The following TEX9 variants were observed in gnomAD, a reference collection of about 807,000 sequenced individuals.
TEX9 encodes the protein testis expressed 9.
Under a neutral mutation model 59.6 loss-of-function variants are expected in TEX9, and 74 were observed. That is an observed-to-expected ratio of 1.24 (90% CI 1.03 to 1.51). The LOEUF (loss-of-function observed/expected upper bound fraction) is 1.51, where lower values mean the gene tolerates loss of function less well. TEX9 is among the 40% of genes most tolerant of loss of function. The pLI, the probability that TEX9 is intolerant of heterozygous loss-of-function variation, is 0.00. For synonymous variants in TEX9, 186 were observed against 152.2 expected (o/e 1.22, Z -1.64); for missense variants, 522 against 447.8 (o/e 1.17, Z -1.49).
chr15:56,448,423 G>A (rs1253379646), downstream of TEX9, among the ~76,000 whole-genome samples: 1 of 152,078 alleles, frequency 6.6e-6, no homozygotes, highest in East Asian at 1.9e-4. Flanking sequence ...AGTGTCTGTT[G>A]TTCCCATATA....
chr15:56,373,360 C>G (rs1449344752), intron 2 of TEX9, 81 bp from the exon 3 acceptor site: 21 of 1,339,942 alleles, frequency 1.6e-5, no homozygotes, highest in Non-Finnish European at 2.1e-5. Flanking sequence ...GATTACGTCA[C>G]TTGATAACGT....
intron 1 of TEX9, among the ~76,000 whole-genome samples, chr15:56,335,650 T>C (rs2141801184): frequency 6.6e-6 from 1 of 152,138 alleles, no homozygotes; most frequent in East Asian, 1.9e-4. Context: ...TAGAAGAATA[T>C]AGTTGGATTT....
chr15:56,246,772 A>G (rs2043867747), intron 1 of TEX9, among the ~76,000 whole-genome samples: 1 of 152,198 alleles, frequency 6.6e-6, no homozygotes, highest in Admixed American at 6.5e-5. Context: ...GGGAAAGTGT[A>G]CACCAGAGGA....
chr15:56,453,622 AAAT>A, the TEX9 span, among the ~76,000 whole-genome samples: 1 of 152,214 alleles, frequency 6.6e-6, no homozygotes, highest in Non-Finnish European at 1.5e-5. Context: ...ACTGTGTAAT[AAAT>A]ACATTTAGTT....
At chr15:56,455,176 G>A in the TEX9 span, among the ~76,000 whole-genome samples, 1 of 140,658 alleles carries the variant, frequency 7.1e-6, no homozygotes, top group Admixed American at 7.6e-5. Flanking sequence ...GCAATTGCTA[G>A]AAGTGAAAAT....
chr15:56,303,431 T>G (rs2045407306), intron 1 of TEX9, among the ~76,000 whole-genome samples: 1 of 152,106 alleles, frequency 6.6e-6, no homozygotes, highest in South Asian at 2.1e-4. Context: ...GGAAATTATA[T>G]GATATGCTCC....
At chr15:56,266,286 C>T (rs747696273) in intron 1 of TEX9, among the ~76,000 whole-genome samples, 18 of 151,344 alleles carry the variant, frequency 1.2e-4, no homozygotes, top group African/African-American at 4.1e-4. Context: ...ACCACCATGC[C>T]TGGCTAATTT....
At chr15:56,418,016 T>G (rs557289420) in intron 10 of TEX9, among the ~76,000 whole-genome samples, 3 of 152,052 alleles carry the variant, frequency 2.0e-5, no homozygotes, top group East Asian at 1.9e-4. Context: ...TTTTTTCTGT[T>G]TTCTATTTCC....
In TEX9 at chr15:56,444,663, G is replaced by A. The variant is rs1276014368; in HGVS notation, c.*30-1008G>A. ...TTCCATCATGGTTTTGGCTATTTCA[G>A]CATCACGTTTCTGTTATTAAAACAA... On this transcript the variant is annotated intron_variant, in intron 12 of 12. Transcript: ENST00000352903. The A allele has an allele frequency of 6.2e-7, 1 of 1,609,970 alleles. No homozygotes were observed. Among genetic ancestry groups the A allele is most frequent in the Non-Finnish European group, 8.5e-7 (1 of 1,178,652 alleles).
In TEX9 at chr15:56,325,031, G is replaced by T. The variant is rs137938839; in HGVS notation, c.-106-48410G>T. On this transcript the variant is annotated intron_variant, in intron 1 of 5. Transcript: ENST00000560827. ...AGGTTCCAATAGAGCCTAATAATCAGAAATAATCAAACAGGTTTAAGTCAG... is the reference window on the plus strand; with the variant it reads ...AGGTTCCAATAGAGCCTAATAATCATAAATAATCAAACAGGTTTAAGTCAG... Among the ~76,000 whole-genome samples, 46 of 152,288 alleles carry T rather than the reference G, an allele frequency of 3.0e-4. 2 individuals are homozygous for T. The highest frequency in any genetic ancestry group is 1.1e-3 in the African/African-American group (44 of 41,572).
At chr15:56,356,828 T>A (rs1162903573) in intron 1 of TEX9, among the ~76,000 whole-genome samples, 6 of 152,138 alleles carry the variant, frequency 3.9e-5, no homozygotes, top group African/African-American at 1.4e-4. Flanking sequence ...TATTTGCTCA[T>A]CCTGGTTGTG....
chr15:56,260,241 A>G (rs1275118513), intron 1 of TEX9, among the ~76,000 whole-genome samples: 1 of 152,066 alleles, frequency 6.6e-6, no homozygotes. Flanking sequence ...GCCTTGTGGC[A>G]CTGACTAGGA....
At chr15:56,324,083 G>C (rs1440879318) in intron 1 of TEX9, among the ~76,000 whole-genome samples, 1 of 151,964 alleles carries the variant, frequency 6.6e-6, no homozygotes, top group Non-Finnish European at 1.5e-5. Flanking sequence ...TTGGTGCACA[G>C]CACAAATTAG....
intron 1 of TEX9, among the ~76,000 whole-genome samples, chr15:56,278,503 G>A (rs1357810993): frequency 6.6e-6 from 1 of 152,082 alleles, no homozygotes; most frequent in Non-Finnish European, 1.5e-5. Context: ...CCCCAGCCTG[G>A]GTACTGTGAG....
chr15:56,451,441 A>G, the TEX9 span, among the ~76,000 whole-genome samples: 6 of 152,228 alleles, frequency 3.9e-5, no homozygotes, highest in South Asian at 1.2e-3. Flanking sequence ...TTTGAATGCT[A>G]CCCAAATTTC....
At chr15:56,364,680 C>A (rs1232990116), upstream of TEX9, among the ~76,000 whole-genome samples, 3 of 152,236 alleles carry the variant, frequency 2.0e-5, no homozygotes, top group African/African-American at 7.2e-5. Flanking sequence ...CCAGTTGTCT[C>A]CCCATCTGTT....
chr15:56,444,486 A>T (rs1364044799), intron 12 of TEX9: 2 of 1,609,032 alleles, frequency 1.2e-6, no homozygotes, highest in Non-Finnish European at 1.7e-6. Flanking sequence ...TTCATCAATC[A>T]TGAGTTTCTC....
At chr15:56,244,191 G>A (rs925223072) in exon 1 of TEX9, 1 of 152,268 alleles carries the variant, frequency 6.6e-6, no homozygotes, top group African/African-American at 2.4e-5. Flanking sequence ...TTCAAAGCAA[G>A]TAAAGAGAAA....
chr15:56,349,341 T>C (rs2046531466), intron 1 of TEX9, among the ~76,000 whole-genome samples: 1 of 152,186 alleles, frequency 6.6e-6, no homozygotes, highest in African/African-American at 2.4e-5. Context: ...CTAATATTGA[T>C]CATTAATTGA....
Sources: allele counts gnomAD v4.1 joint callset (sites outside exome capture counted in the v4.1 genomes callset), GRCh38; gene constraint gnomAD v4.1.1; transcripts MANE v1.5; gene names NCBI Gene and HGNC (gene_info 2026-07-23, HGNC 2026-07-21).